Variants in PTPRT observed in about 807,000 individuals in gnomAD.
The protein encoded by PTPRT is protein tyrosine phosphatase receptor type T.
PTPRT carries 56 observed loss-of-function variants against 176.8 expected under a neutral mutation model. The ratio of observed to expected loss-of-function variants is 0.32; its 90% CI spans 0.26 to 0.40. The LOEUF (loss-of-function observed/expected upper bound fraction) is 0.40. Among genes scored for constraint, PTPRT ranks in the 10% least tolerant of loss-of-function variants. The pLI, the probability that PTPRT is intolerant of heterozygous loss-of-function variation, is 1.00. For synonymous variants in PTPRT, 783 were observed against 739.0 expected, an observed-to-expected ratio of 1.06 and a Z score of -0.96; for missense variants, 1,540 against 1,908.2, an observed-to-expected ratio of 0.81 and a Z score of 3.60.
intron 6 of PTPRT, among the ~76,000 whole-genome samples, chr20:42,723,806 G>A (rs1175877694): frequency 6.6e-6 from 1 of 152,202 alleles, no homozygotes. Context: ...GCCCACATGG[G>A]ATGGGCAGAT....
intron 16 of PTPRT, among the ~76,000 whole-genome samples, chr20:42,177,012 C>G (rs1990322421): frequency 6.6e-6 from 1 of 152,226 alleles, no homozygotes; most frequent in African/African-American, 2.4e-5. Flanking sequence ...TTGGGAGTTA[C>G]AAGACCTGAG....
rs545898293 is a variant in PTPRT at position 43,073,347 on chromosome 20, G to A, written c.88+116299C>T. ...TCTGTCTCTTATTTCAATGTGCTCC[G>A]TTATCTTGGTAAATTTGCCTTTCAG... On this transcript the variant is annotated intron_variant, in intron 1 of 30. Coordinates refer to ENST00000373187, the MANE Select transcript of PTPRT (RefSeq NM_007050.6). 6.9e-4 allele frequency among the ~76,000 whole-genome samples: 105 copies of A among 151,926 alleles called. 1 individual carries two copies. Among genetic ancestry groups the A allele is most frequent in the East Asian group, 1.8e-3 (9 of 5,116 alleles).
intron 27 of PTPRT, among the ~76,000 whole-genome samples, chr20:42,086,368 T>G (rs370521044): frequency 3.9e-5 from 6 of 152,174 alleles, no homozygotes; most frequent in African/African-American, 1.4e-4. Flanking sequence ...ATATCAAGGC[T>G]TTGAGCACAG....
chr20:42,086,739 A>AT (rs1555858277), intron 27 of PTPRT, among the ~76,000 whole-genome samples: 41 of 65,404 alleles, frequency 6.3e-4, no homozygotes, highest in South Asian at 2.2e-3. Context: ...AAAAAAAAAA[A>AT]AAAAAAAAAA....
intron 6 of PTPRT, among the ~76,000 whole-genome samples, chr20:42,710,689 C>T (rs750645062): frequency 6.6e-6 from 1 of 152,372 alleles, no homozygotes; most frequent in Non-Finnish European, 1.5e-5. Flanking sequence ...GGAGCCCCCA[C>T]AAAGATTCCC....
At chr20:42,571,524 C>T (rs2073153506) in intron 7 of PTPRT, among the ~76,000 whole-genome samples, 2 of 152,130 alleles carry the variant, frequency 1.3e-5, no homozygotes, top group South Asian at 4.1e-4. Flanking sequence ...GATTTCAAAC[C>T]ACTACGTTTG....
intron 26 of PTPRT, among the ~76,000 whole-genome samples, chr20:42,101,667 C>G (rs1440890483): frequency 6.6e-6 from 1 of 152,218 alleles, no homozygotes; most frequent in African/African-American, 2.4e-5. Flanking sequence ...GTGCGCCATC[C>G]TCATTTTTGT....
At chr20:43,057,108 G>C (rs1987268027) in intron 1 of PTPRT, among the ~76,000 whole-genome samples, 1 of 151,696 alleles carries the variant, frequency 6.6e-6, no homozygotes, top group African/African-American at 2.4e-5. Context: ...ATCAGTAGTT[G>C]CCAGGGGCTT....
At chr20:42,625,242 G>A (rs1398165800) in intron 7 of PTPRT, among the ~76,000 whole-genome samples, 1 of 152,108 alleles carries the variant, frequency 6.6e-6, no homozygotes, top group Non-Finnish European at 1.5e-5. Context: ...TGGAGAAGAT[G>A]TTTAATTTCT....
intron 1 of PTPRT, among the ~76,000 whole-genome samples, chr20:42,995,419 G>A (rs1359437483): frequency 2.6e-5 from 4 of 152,100 alleles, no homozygotes; most frequent in Non-Finnish European, 4.4e-5. Flanking sequence ...TTCTAATCCC[G>A]TATTTGTCTT....
chr20:42,694,740 T>G (rs1463893065), intron 6 of PTPRT, among the ~76,000 whole-genome samples: 1 of 152,218 alleles, frequency 6.6e-6, no homozygotes, highest in Non-Finnish European at 1.5e-5. Context: ...GATGTTTCAC[T>G]GTGGTTTTAA....
chr20:42,588,807 C>G (rs946778892), intron 7 of PTPRT, among the ~76,000 whole-genome samples: 1 of 152,046 alleles, frequency 6.6e-6, no homozygotes, highest in Non-Finnish European at 1.5e-5. Flanking sequence ...AAATTAATAC[C>G]TAACTAAGTG....
intron 18 of PTPRT, among the ~76,000 whole-genome samples, chr20:42,134,306 GA>G (rs919311742): frequency 3.3e-5 from 5 of 152,160 alleles, no homozygotes; most frequent in African/African-American, 4.8e-5. Context: ...TTGCAAGCTT[GA>G]AAAACAGCTA....
intron 2 of PTPRT, among the ~76,000 whole-genome samples, chr20:42,876,497 C>T (rs1161429122): frequency 2.0e-5 from 3 of 151,948 alleles, no homozygotes. Context: ...TTTATTTGCC[C>T]GAAGGATCCT....
chr20:42,199,171 T>C (rs1991348418), intron 16 of PTPRT, 69 bp downstream of exon 16: 1 of 1,546,308 alleles, frequency 6.5e-7, no homozygotes, highest in Non-Finnish European at 8.8e-7. Context: ...ATGTGTGGGG[T>C]TCACAGCAGA....
intron 12 of PTPRT, among the ~76,000 whole-genome samples, chr20:42,305,283 G>T (rs1053863698): frequency 8.5e-5 from 5 of 58,536 alleles, no homozygotes; most frequent in African/African-American, 3.8e-4. Flanking sequence ...AACCTGGGAG[G>T]CAGGTTGTAG....
chr20:42,756,673 T>G, intron 5 of PTPRT, 37 bp from the exon 6 acceptor site: 1 of 1,501,156 alleles, frequency 6.7e-7, no homozygotes, highest in South Asian at 1.3e-5. Flanking sequence ...GGAGGAATCA[T>G]AGCATCATAG....
chr20:42,929,073 G>C (rs1979666283), intron 1 of PTPRT, among the ~76,000 whole-genome samples: 1 of 152,236 alleles, frequency 6.6e-6, no homozygotes, highest in Non-Finnish European at 1.5e-5. Context: ...CTGCAGGTAA[G>C]ACAGTAAGTC....
chr20:43,183,131 CTT>C (rs1215654883), intron 1 of PTPRT, among the ~76,000 whole-genome samples: 3 of 152,186 alleles, frequency 2.0e-5, no homozygotes, highest in African/African-American at 7.2e-5. Context: ...ACTTGATAGT[CTT>C]AAACTTTTGC....
Sources: gnomAD v4.1 joint callset for allele counts (sites outside exome capture counted in the v4.1 genomes callset) on GRCh38, gnomAD v4.1.1 for gene constraint, MANE v1.5 for transcripts, NCBI Gene and HGNC (gene_info 2026-07-23, HGNC 2026-07-21) for gene names.